GRIA2: variants seen among roughly 807,000 people sequenced by gnomAD.
GRIA2 encodes the protein glutamate receptor 2.
Under a neutral mutation model 97.3 loss-of-function variants are expected in GRIA2, and 14 were observed. The ratio of observed to expected loss-of-function variants is 0.14; its 90% CI spans 0.10 to 0.23. The LOEUF (loss-of-function observed/expected upper bound fraction) is 0.23. Among genes scored for constraint, GRIA2 ranks in the 10% least tolerant of loss-of-function variants. The pLI, the probability that GRIA2 is intolerant of heterozygous loss-of-function variation, is 1.00. For synonymous variants in GRIA2, 412 were observed against 387.8 expected, an observed-to-expected ratio of 1.06 and a Z score of -0.73; for missense variants, 558 against 1,069.8, an observed-to-expected ratio of 0.52 and a Z score of 6.67.
rs140192476 is a variant in GRIA2 at position 157,264,363 on chromosome 4, C to T, written c.230-39189C>T. Among the ~76,000 whole-genome samples, 45 of 152,188 alleles carry T rather than the reference C, an allele frequency of 3.0e-4. 2 individuals are homozygous for T. In the East Asian group the frequency reaches 8.5e-3, roughly 29 times the overall value. On this transcript the variant is annotated intron_variant, in intron 2 of 15. Coordinates refer to ENST00000264426, the MANE Select transcript of GRIA2 (RefSeq NM_001083619.3). ...TTGTCCAACTTCTAGGGGTCACTTG[C>T]ATGCCTTGGCTCATGGCCTCCTTCC...
chr4:157,241,265 A>G lies in GRIA2; in HGVS notation c.229+19458A>G, dbSNP rs76785081. On this transcript the variant is annotated intron_variant, in intron 2 of 15. Coordinates refer to ENST00000264426, the MANE Select transcript of GRIA2 (RefSeq NM_001083619.3). ...GGAAGGAATGACCGCCTTATTTTCT[A>G]TCATCAGATGTTGTTTGAGACGCCT... 2.3e-3 allele frequency among the ~76,000 whole-genome samples: 346 copies of G among 152,236 alleles called. 2 individuals are homozygous for G. Among genetic ancestry groups the G allele is most frequent in the African/African-American group, 7.8e-3 (322 of 41,546 alleles).
At chr4:157,304,445 T>C (rs1196813861) in intron 3 of GRIA2, among the ~76,000 whole-genome samples, 5 of 152,160 alleles carry the variant, frequency 3.3e-5, no homozygotes, top group Non-Finnish European at 7.3e-5. Context: ...GTTTCTCATA[T>C]CCCTTGTTGT....
intron 2 of GRIA2, among the ~76,000 whole-genome samples, chr4:157,237,384 T>A (rs1730301967): frequency 6.6e-6 from 1 of 151,326 alleles, no homozygotes; most frequent in Non-Finnish European, 1.5e-5. Flanking sequence ...AACCGCAAAC[T>A]CCTGAGCTCA....
At chr4:157,362,746 T>C in intron 14 of GRIA2, 53 bp from the exon 15 acceptor site, 1 of 1,501,940 alleles carries the variant, frequency 6.7e-7, no homozygotes, top group Non-Finnish European at 9.1e-7. Context: ...TGCTGTTCTC[T>C]TCTATTCACC....
intron 2 of GRIA2, chr4:157,249,942 A>C (rs1315101228): frequency 6.6e-6 from 1 of 152,092 alleles, no homozygotes; most frequent in East Asian, 1.9e-4. Context: ...TGCTGGGACC[A>C]TTTCTCTAGT....
At chr4:157,265,834 T>C (rs963721785) in intron 2 of GRIA2, among the ~76,000 whole-genome samples, 2 of 152,078 alleles carry the variant, frequency 1.3e-5, no homozygotes, top group Admixed American at 6.6e-5. Context: ...TTTGGGTAGT[T>C]TTAAGCAGCA....
intron 2 of GRIA2, among the ~76,000 whole-genome samples, chr4:157,257,381 G>GC (rs1436770885): frequency 2.6e-5 from 4 of 151,938 alleles, no homozygotes; most frequent in South Asian, 4.2e-4. Context: ...TATCTTTGTT[G>GC]CTTTGGAGCC....
At chr4:157,347,800 C>T (rs935456406) in intron 12 of GRIA2, among the ~76,000 whole-genome samples, 1 of 152,024 alleles carries the variant, frequency 6.6e-6, no homozygotes, top group South Asian at 2.1e-4. Context: ...TAAGTATTAT[C>T]GACAAAATTT....
chr4:157,307,502 CA>C (rs1733894687), intron 3 of GRIA2, among the ~76,000 whole-genome samples: 1 of 152,186 alleles, frequency 6.6e-6, no homozygotes, highest in Non-Finnish European at 1.5e-5. Flanking sequence ...CATGTGGCAA[CA>C]GCCTGACACT....
At chr4:157,345,128 A>G (rs2126959477) in intron 12 of GRIA2, among the ~76,000 whole-genome samples, 1 of 152,116 alleles carries the variant, frequency 6.6e-6, no homozygotes, top group East Asian at 1.9e-4. Flanking sequence ...ATATTACTTT[A>G]GTAAAGTCAG....
chr4:157,226,971 A>T (rs537665338), intron 2 of GRIA2, among the ~76,000 whole-genome samples: 2 of 152,176 alleles, frequency 1.3e-5, no homozygotes, highest in African/African-American at 2.4e-5. Flanking sequence ...AAGTATTTTC[A>T]GTTAAAATTT....
chr4:157,298,571 T>A (rs1733461937), intron 2 of GRIA2, among the ~76,000 whole-genome samples: 1 of 146,886 alleles, frequency 6.8e-6, no homozygotes, highest in Admixed American at 6.9e-5. Flanking sequence ...TTCCATATAA[T>A]GAACTGAGGG....
intron 2 of GRIA2, among the ~76,000 whole-genome samples, chr4:157,227,395 T>A (rs1729797424): frequency 6.6e-6 from 1 of 152,166 alleles, no homozygotes; most frequent in Non-Finnish European, 1.5e-5. Flanking sequence ...AAAAGAGCAG[T>A]TGTTTTTGAG....
intron 2 of GRIA2, among the ~76,000 whole-genome samples, chr4:157,277,329 A>G (rs1732368466): frequency 6.6e-6 from 1 of 151,982 alleles, no homozygotes; most frequent in South Asian, 2.1e-4. Context: ...GACAAAATTC[A>G]GCATTCATTC....
At chr4:157,257,610 A>G (rs915624680) in intron 2 of GRIA2, among the ~76,000 whole-genome samples, 1 of 152,130 alleles carries the variant, frequency 6.6e-6, no homozygotes, top group Non-Finnish European at 1.5e-5. Context: ...TTGTGAGACC[A>G]GTATATAATT....
rs139980900 is a variant in GRIA2 at position 157,290,937 on chromosome 4, C to A, written c.230-12615C>A. On this transcript the variant is annotated intron_variant, in intron 2 of 15. Coordinates refer to ENST00000264426, the MANE Select transcript of GRIA2 (RefSeq NM_001083619.3). ...AGACACCTTAAAATGGACAAATCTG[C>A]AATATACTCTGTGATTTATATACAG... Among the ~76,000 whole-genome samples the A allele has an allele frequency of 1.6e-3, 248 of 151,930 alleles. 2 individuals are homozygous for A. Among genetic ancestry groups the A allele is most frequent in the African/African-American group, 5.4e-3 (224 of 41,504 alleles).
At chr4:157,306,488 A>C (rs1488000717) in intron 3 of GRIA2, among the ~76,000 whole-genome samples, 1 of 152,184 alleles carries the variant, frequency 6.6e-6, no homozygotes, top group African/African-American at 2.4e-5. Context: ...TTGAGATAAA[A>C]ATGTTAGAGT....
intron 2 of GRIA2, among the ~76,000 whole-genome samples, chr4:157,256,233 A>AACATATATTAC (rs1561013228): frequency 8.0e-6 from 1 of 124,604 alleles, no homozygotes; most frequent in South Asian, 2.2e-4. Context: ...TATAATATAT[A>AACATATATTAC]ATATATATAT....
intron 1 of GRIA2, 125 bp downstream of exon 1, chr4:157,221,255 A>C (rs1729480167): frequency 2.9e-6 from 2 of 692,550 alleles, no homozygotes; most frequent in Non-Finnish European, 5.2e-6. Context: ...CCAGATTTAA[A>C]CTACCTAGAA....
Sources: gnomAD v4.1 joint callset for allele counts (sites outside exome capture counted in the v4.1 genomes callset) on GRCh38, gnomAD v4.1.1 for gene constraint, MANE v1.5 for transcripts, NCBI Gene and HGNC (gene_info 2026-07-23, HGNC 2026-07-21) for gene names.